TASOR: variants seen among roughly 807,000 people sequenced by gnomAD.
TASOR encodes transcription activation suppressor.
A neutral mutation model predicts 178.6 loss-of-function variants in TASOR; 53 were observed. The observed-to-expected ratio is 0.30, with a 90% CI of 0.24 to 0.37. The LOEUF is 0.37. Among genes scored for constraint, TASOR ranks in the 10% least tolerant of loss-of-function variants. The pLI is 1.00. For synonymous variants in TASOR, 713 were observed against 696.2 expected (o/e 1.02, Z -0.38); for missense variants, 1,815 against 1,971.4 (o/e 0.92, Z 1.50).
chr3:56,640,343 G>A (rs754655108), intron 15 of TASOR, among the ~76,000 whole-genome samples: 1 of 152,112 alleles, frequency 6.6e-6, no homozygotes, highest in African/African-American at 2.4e-5. Context: ...ATTGGTAAAC[G>A]TTTGTGCTGA....
chr3:56,677,148 A>C (rs2031375042), intron 1 of TASOR, among the ~76,000 whole-genome samples: 2 of 152,246 alleles, frequency 1.3e-5, no homozygotes, highest in Admixed American at 1.3e-4. Flanking sequence ...ATGTCCTCAG[A>C]GGTCATTTAA....
intron 2 of TASOR, among the ~76,000 whole-genome samples, chr3:56,673,371 G>A (rs763705123): frequency 7.1e-6 from 1 of 140,812 alleles, no homozygotes; most frequent in Non-Finnish European, 1.5e-5. Flanking sequence ...GGCAGAGGCT[G>A]TAGTGAGCCG....
At chr3:56,634,069 A>G in intron 17 of TASOR, 103 bp from the exon 18 acceptor site, 1 of 875,502 alleles carries the variant, frequency 1.1e-6, no homozygotes, top group Non-Finnish European at 1.7e-6. Context: ...CACATTTAGA[A>G]CTAATTATAT....
At chr3:56,668,636 C>T (rs966597077) in intron 5 of TASOR, 78 bp from the exon 6 acceptor site, 1 of 1,043,134 alleles carries the variant, frequency 9.6e-7, no homozygotes, top group Admixed American at 3.0e-5. Flanking sequence ...TGAAATACTT[C>T]TTTGAATATA....
intron 11 of TASOR, among the ~76,000 whole-genome samples, chr3:56,659,261 T>C (rs1427929634): frequency 7.1e-6 from 1 of 140,950 alleles, no homozygotes. Flanking sequence ...AAGTCAACTG[T>C]TGTAAAACTT....
At chr3:56,661,089 A>C in intron 9 of TASOR, 72 bp from the exon 10 acceptor site, 1 of 891,702 alleles carries the variant, frequency 1.1e-6, no homozygotes, top group Non-Finnish European at 1.8e-6. Context: ...CACATACACA[A>C]AAAAGTACAC....
In TASOR at chr3:56,633,100, T is replaced by C. The variant is rs1373694072; in HGVS notation, c.3691A>G (p.Thr1231Ala). ...TCTTCATGAATATAAAATTTCACAG[T>C]ATTTTTCTGGACGTCTTTCATGATT... ...VKIMKDVQKN[T>A]VKFYIHEEEE... The change falls in exon 18 of 24, where the codon ACT (threonine) becomes GCT (alanine). Residue 1231 changes from threonine (T) to alanine (A), a missense_variant. Physicochemically the swap from Thr to Ala is moderately conservative, Grantham distance 58 (BLOSUM62 0). Coordinates refer to ENST00000683822, the MANE Select transcript of TASOR (RefSeq NM_001365635.2). The C allele has an allele frequency of 1.2e-6, 2 of 1,611,048 alleles. No homozygotes were observed. Among genetic ancestry groups the C allele is most frequent in the African/African-American group, 2.7e-5 (2 of 74,642 alleles).
chr3:56,659,304 T>C (rs2077543555), intron 11 of TASOR, among the ~76,000 whole-genome samples: 1 of 152,186 alleles, frequency 6.6e-6, no homozygotes, highest in African/African-American at 2.4e-5. Context: ...AAAAAAGTTG[T>C]ATCCCTCTTT....
At chr3:56,681,811 T>C (rs373979746) in intron 1 of TASOR, among the ~76,000 whole-genome samples, 6 of 152,318 alleles carry the variant, frequency 3.9e-5, no homozygotes, top group South Asian at 2.1e-4. Context: ...ATATTAACAA[T>C]ATGGCATTAA....
intron 11 of TASOR, among the ~76,000 whole-genome samples, chr3:56,654,040 G>A (rs2077416764): frequency 1.3e-5 from 2 of 152,174 alleles, no homozygotes; most frequent in African/African-American, 4.8e-5. Context: ...GCCGAGGCAG[G>A]CAGATCACTT....
chr3:56,651,656 C>G (rs1275752180), intron 11 of TASOR, among the ~76,000 whole-genome samples: 1 of 151,010 alleles, frequency 6.6e-6, no homozygotes, highest in Non-Finnish European at 1.5e-5. Flanking sequence ...GTGATTGTGC[C>G]ACGCACTATA....
chr3:56,653,939 ACT>A (rs1449981004), intron 11 of TASOR, among the ~76,000 whole-genome samples: 3 of 152,188 alleles, frequency 2.0e-5, no homozygotes, highest in African/African-American at 7.2e-5. Flanking sequence ...TATTTTTCTG[ACT>A]TAAAGACAGA....
At chr3:56,630,169 G>T (rs2076879460) in intron 18 of TASOR, among the ~76,000 whole-genome samples, 1 of 152,002 alleles carries the variant, frequency 6.6e-6, no homozygotes, top group Non-Finnish European at 1.5e-5. Context: ...GTTTCACCAT[G>T]TCAATCAGGA....
rs965766655 is a variant in TASOR at position 56,622,385 on chromosome 3, A to ATCTT, written c.*648_*651dup. The stretch of plus-strand genomic sequence containing the variant: ...CAACGCCTTTGATAAACAGAAGCCT[A>ATCTT]TCTTTTGAAATAAAAAATTTAATTT... On this transcript the variant is annotated 3_prime_UTR_variant, in exon 24 of 24. Coordinates refer to ENST00000683822, the MANE Select transcript of TASOR (RefSeq NM_001365635.2). 8 of 152,268 alleles carry ATCTT rather than the reference A, an allele frequency of 5.3e-5. No homozygotes were observed. Among genetic ancestry groups the ATCTT allele is most frequent in the African/African-American group, 1.9e-4 (8 of 41,454 alleles). The allele number at this position is 152,268 out of a possible 1,614,324, so 9.4% of individuals were successfully genotyped here.
rs1002289248 is a variant in TASOR, at chr3:56,662,662, T to C, written c.1055-172A>G. On this transcript the variant is annotated intron_variant, in intron 8 of 23. Coordinates refer to ENST00000683822, the MANE Select transcript of TASOR (RefSeq NM_001365635.2). ...TTCTATTTACTAACAGTTCAAATATTAGGATTTTTGTTTCAGGTATTTATC... is the reference window on the plus strand; with the variant it reads ...TTCTATTTACTAACAGTTCAAATATCAGGATTTTTGTTTCAGGTATTTATC... Among the ~76,000 whole-genome samples the C allele has an allele frequency of 3.3e-5, 5 of 152,104 alleles. 1 individual carries two copies. The highest frequency in any genetic ancestry group is 6.5e-5 in the Admixed American group (1 of 15,280).
chr3:56,660,263 G>A (rs62251193), intron 11 of TASOR, among the ~76,000 whole-genome samples: 7,436 of 151,762 alleles, frequency 0.049, 188 homozygotes, highest in East Asian at 0.09. Context: ...AGGCTGAGGC[G>A]GGCAGATCAC....
At chr3:56,643,533 C>T (rs1431847722) in intron 14 of TASOR, among the ~76,000 whole-genome samples, 2 of 151,850 alleles carry the variant, frequency 1.3e-5, no homozygotes, top group Admixed American at 6.6e-5. Flanking sequence ...GAGGCCGAGG[C>T]GGGCGGATCA....
intron 6 of TASOR, 119 bp downstream of exon 6, chr3:56,668,278 T>C (rs938070566): frequency 9.9e-6 from 9 of 905,614 alleles, no homozygotes; most frequent in South Asian, 8.9e-5. Context: ...GGAAGTGATA[T>C]GCAGACACCA....
intron 1 of TASOR, among the ~76,000 whole-genome samples, chr3:56,674,700 T>C (rs1411648627): frequency 1.3e-5 from 2 of 152,274 alleles, no homozygotes; most frequent in African/African-American, 2.4e-5. Flanking sequence ...ATTACTTATA[T>C]AGCTCAGCTC....
Sources: gnomAD v4.1 joint callset for allele counts (sites outside exome capture counted in the v4.1 genomes callset) on GRCh38, gnomAD v4.1.1 for gene constraint, MANE v1.5 for transcripts, NCBI Gene and HGNC (gene_info 2026-07-23, HGNC 2026-07-21) for gene names.